WFS1: variants seen among roughly 807,000 people sequenced by gnomAD.
The protein encoded by WFS1 is wolframin.
WFS1 carries 90 observed loss-of-function variants against 68.5 expected under a neutral mutation model. The ratio of observed to expected loss-of-function variants is 1.31; its 90% CI spans 1.11 to 1.56. WFS1 has a LOEUF of 1.56. WFS1 is among the 40% of genes most tolerant of loss of function. WFS1 has a pLI of 0.00. For synonymous variants in WFS1, 860 were observed against 540.7 expected (o/e 1.59, Z -8.19); for missense variants, 1,767 against 1,232.6 (o/e 1.43, Z -6.49).
chr4:6,281,243 A>G (rs1489914165), intron 2 of WFS1, among the ~76,000 whole-genome samples: 2 of 152,144 alleles, frequency 1.3e-5, no homozygotes, highest in Non-Finnish European at 2.9e-5. Context: ...GGGACAAAGA[A>G]GGGCCTTCGG....
At chr4:6,282,640 C>T (rs1465242073) in intron 2 of WFS1, among the ~76,000 whole-genome samples, 2 of 152,196 alleles carry the variant, frequency 1.3e-5, no homozygotes, top group Non-Finnish European at 2.9e-5. Flanking sequence ...AAGTGGAAGC[C>T]AGCTGCCCTG....
chr4:6,291,706 G>C (rs186841531), intron 5 of WFS1, among the ~76,000 whole-genome samples: 1 of 152,212 alleles, frequency 6.6e-6, no homozygotes, highest in Non-Finnish European at 1.5e-5. Context: ...CCAAGTGGGA[G>C]CACGCTACGT....
Position 6,300,698 on chromosome 4 carries a change from G to C in WFS1, c.903G>C (p.Glu301Asp), listed in dbSNP as rs1553878261. Residue 301 changes from glutamate to aspartate, a missense_variant, in exon 8 of 8, where the codon GAG (glutamate) becomes GAC (aspartate). Glu to Asp is a conservative substitution (Grantham distance 45). Transcript: ENST00000226760. ...YPLHAIMEIK[E>D]YLIDMASRAG... ...TGCACGCCATCATGGAGATCAAGGA[G>C]TACCTGATTGACATGGCCTCCAGGG... 1 of 1,614,082 alleles carries C rather than the reference G, an allele frequency of 6.2e-7. No individual in the cohort carries two copies. Among genetic ancestry groups the C allele is most frequent in the South Asian group, 1.1e-5 (1 of 91,088 alleles).
At chr4:6,279,108 T>C (rs1367854155) in intron 2 of WFS1, among the ~76,000 whole-genome samples, 3 of 152,172 alleles carry the variant, frequency 2.0e-5, no homozygotes, top group Non-Finnish European at 2.9e-5. Flanking sequence ...TCCCAGTCAC[T>C]GGTCACTGAT....
intron 7 of WFS1, 61 bp from the exon 8 acceptor site, chr4:6,300,596 T>G (rs549802594): frequency 1.2e-6 from 2 of 1,609,878 alleles, no homozygotes; most frequent in East Asian, 2.2e-5. Flanking sequence ...GAGGGAGGCG[T>G]GAGATGGGAG....
chr4:6,277,038 T>A (rs1438143513), intron 1 of WFS1, among the ~76,000 whole-genome samples: 1 of 152,258 alleles, frequency 6.6e-6, no homozygotes, highest in African/African-American at 2.4e-5. Flanking sequence ...AAGGGCACAT[T>A]CACAGACATT....
chr4:6,278,878 AC>A (rs1730073144), intron 2 of WFS1, among the ~76,000 whole-genome samples: 1 of 152,248 alleles, frequency 6.6e-6, no homozygotes, highest in Non-Finnish European at 1.5e-5. Flanking sequence ...GGGAACAGAT[AC>A]CAGGGCTCGG....
intron 2 of WFS1, among the ~76,000 whole-genome samples, chr4:6,282,629 A>G (rs1730201244): frequency 1.3e-5 from 2 of 152,236 alleles, no homozygotes; most frequent in African/African-American, 4.8e-5. Context: ...CAGTAATATG[A>G]AAGTGGAAGC....
intron 1 of WFS1, among the ~76,000 whole-genome samples, chr4:6,277,124 T>C (rs1178826816): frequency 6.6e-6 from 1 of 152,254 alleles, no homozygotes; most frequent in Non-Finnish European, 1.5e-5. Context: ...GGTGTTGCTA[T>C]CATCATCCCC....
intron 1 of WFS1, among the ~76,000 whole-genome samples, chr4:6,275,855 T>C (rs1475893947): frequency 1.3e-5 from 2 of 152,216 alleles, no homozygotes; most frequent in Non-Finnish European, 2.9e-5. Flanking sequence ...CAGACCTGGC[T>C]GCTCAGTGCC....
chr4:6,276,655 T>G (rs1730003254), intron 1 of WFS1, among the ~76,000 whole-genome samples: 1 of 152,194 alleles, frequency 6.6e-6, no homozygotes, highest in Non-Finnish European at 1.5e-5. Flanking sequence ...CCCTCTCATA[T>G]TTACTTAACT....
Position 6,291,920 on chromosome 4 carries a change from G to A in WFS1, c.635G>A (p.Gly212Glu). 3 of 1,609,938 alleles carry A rather than the reference G, an allele frequency of 1.9e-6. No individual in the cohort carries two copies. Among genetic ancestry groups the A allele is most frequent in the Middle Eastern group, 1.7e-4 (1 of 6,048 alleles). Reference protein sequence around the residue: ...ENVGQVNEHDGGAQPGPVPKS... With the variant: ...ENVGQVNEHDEGAQPGPVPKS... ...TAATCCACCCTGTCCCCTGCAGATG[G>A]AGGGGCGCAGCCAGGCCCCGTGCCC... is the stretch of plus-strand genomic sequence containing the variant. The change falls in exon 6 of 8, where the codon GGA becomes GAA. Residue 212 changes from glycine (G) to glutamate (E), a missense_variant. Gly to Glu is a moderately conservative substitution (Grantham distance 98, BLOSUM62 -2). Coordinates refer to ENST00000226760, the MANE Select transcript of WFS1 (RefSeq NM_006005.3).
At chr4:6,286,597 C>A (rs866452704) in intron 2 of WFS1, among the ~76,000 whole-genome samples, 1 of 152,200 alleles carries the variant, frequency 6.6e-6, no homozygotes, top group African/African-American at 2.4e-5. Context: ...GATGTATATA[C>A]ACTGATTATA....
chr4:6,295,123 G>C lies in WFS1; in HGVS notation c.795G>C (p.Leu265=), dbSNP rs1312972519. Residue 265 remains leucine (L), a synonymous_variant, in exon 7 of 8, where the codon CTG becomes CTC. Coordinates refer to ENST00000226760, the MANE Select transcript of WFS1 (RefSeq NM_006005.3). ...GCGTCATCCCCAGCAGCCTGTTCCTGCAGGACGACGAAGATGATGACGAGC... is the reference window on the plus strand; with the variant it reads ...GCGTCATCCCCAGCAGCCTGTTCCTCCAGGACGACGAAGATGATGACGAGC... The part of the protein sequence containing the change: ...AKGVIPSSLF[L]QDDEDDDELA... The C allele has an allele frequency of 2.5e-6, 4 of 1,613,302 alleles. No homozygotes were observed. Among genetic ancestry groups the C allele is most frequent in the African/African-American group, 1.3e-5 (1 of 75,046 alleles).
intron 7 of WFS1, 128 bp from the exon 8 acceptor site, chr4:6,300,529 C>T: frequency 7.1e-7 from 1 of 1,403,652 alleles, no homozygotes; most frequent in Non-Finnish European, 9.7e-7. Flanking sequence ...TAGGATGGGG[C>T]TGGTGATGGG....
chr4:6,279,515 C>T (rs982185396), intron 2 of WFS1, among the ~76,000 whole-genome samples: 11 of 152,170 alleles, frequency 7.2e-5, no homozygotes, highest in African/African-American at 2.4e-4. Flanking sequence ...AGGTCATCTG[C>T]GCCCAGGGAT....
At position 6,301,849 on chromosome 4, in the gene WFS1, G is replaced by T. The variant is rs142668478; in HGVS notation, c.2054G>T (p.Arg685Leu). The change falls in exon 8 of 8, where the codon CGC becomes CTC. Residue 685 changes from arginine (R) to leucine (L), a missense_variant. Coordinates refer to ENST00000226760, the MANE Select transcript of WFS1 (RefSeq NM_006005.3). ...PRAWKETNMA[R>L]TQILCSHLEG... ...GCCTGGAAGGAGACCAACATGGCGCGCACCCAGATCCTCTGCAGCCACCTG... is the reference window on the plus strand; with the variant it reads ...GCCTGGAAGGAGACCAACATGGCGCTCACCCAGATCCTCTGCAGCCACCTG... 6.2e-7 allele frequency: 1 copy of T among 1,612,862 alleles called. No individual in the cohort carries two copies. The highest frequency in any genetic ancestry group is 8.5e-7 in the Non-Finnish European group (1 of 1,179,922).
intron 4 of WFS1, among the ~76,000 whole-genome samples, chr4:6,289,342 T>C (rs774883440): frequency 4.6e-5 from 7 of 152,244 alleles, no homozygotes; most frequent in Non-Finnish European, 1.0e-4. Flanking sequence ...TTTCATTCTC[T>C]TTGGCTTGTG....
At chr4:6,278,771 T>C (rs1051375262) in intron 2 of WFS1, among the ~76,000 whole-genome samples, 3 of 152,198 alleles carry the variant, frequency 2.0e-5, no homozygotes, top group Non-Finnish European at 4.4e-5. Context: ...TCTTTGCATC[T>C]CCTTAAAAGA....
Sources: allele counts gnomAD v4.1 joint callset (sites outside exome capture counted in the v4.1 genomes callset), GRCh38; gene constraint gnomAD v4.1.1; transcripts MANE v1.5; gene names NCBI Gene and HGNC (gene_info 2026-07-23, HGNC 2026-07-21).